PLCB4: variants seen among roughly 807,000 people sequenced by gnomAD.
The protein encoded by PLCB4 is phospholipase C beta 4.
In PLCB4, 77 loss-of-function variants were observed where a neutral mutation model predicts 178.8. The ratio of observed to expected loss-of-function variants is 0.43; its 90% CI spans 0.36 to 0.52. The LOEUF (loss-of-function observed/expected upper bound fraction) is 0.52. Among genes scored for constraint, PLCB4 ranks in the 20% least tolerant of loss-of-function variants. The probability of loss-of-function intolerance (pLI) is 0.00; values close to 1 mark genes in which losing one functional copy is unlikely to be tolerated. For missense variants in PLCB4, 1,024 were observed against 1,453.4 expected (o/e 0.70, Z 4.80); for synonymous variants, 496 against 490.8 (o/e 1.01, Z -0.14).
chr20:9,155,714 T>C (rs1694559850), intron 2 of PLCB4, among the ~76,000 whole-genome samples: 1 of 152,154 alleles, frequency 6.6e-6, no homozygotes, highest in Non-Finnish European at 1.5e-5. Context: ...GAATAAGACT[T>C]CTGAGTGGGT....
intron 32 of PLCB4, among the ~76,000 whole-genome samples, chr20:9,448,603 T>A (rs2122211093): frequency 6.7e-6 from 1 of 149,422 alleles, no homozygotes; most frequent in East Asian, 2.0e-4. Flanking sequence ...TCTTAAAACA[T>A]GAGATTTATG....
intron 2 of PLCB4, among the ~76,000 whole-genome samples, chr20:9,147,741 A>G (rs1180270420): frequency 6.6e-6 from 1 of 152,158 alleles, no homozygotes; most frequent in Non-Finnish European, 1.5e-5. Context: ...GCACTTTTCA[A>G]GCCTTTCTTT....
chr20:9,266,635 C>T (rs973649998), intron 3 of PLCB4, among the ~76,000 whole-genome samples: 9 of 151,168 alleles, frequency 6.0e-5, no homozygotes, highest in African/African-American at 2.2e-4. Flanking sequence ...TTTTCCTTTT[C>T]TTCCTCTTTT....
intron 4 of PLCB4, among the ~76,000 whole-genome samples, chr20:9,316,673 C>T (rs1236132230): frequency 3.9e-5 from 6 of 152,170 alleles, no homozygotes. Flanking sequence ...TTCTTGTCAG[C>T]ACAGCTGTGT....
intron 3 of PLCB4, among the ~76,000 whole-genome samples, chr20:9,299,553 A>T (rs1166841253): frequency 6.6e-6 from 1 of 151,854 alleles, no homozygotes; most frequent in African/African-American, 2.4e-5. Flanking sequence ...TCTTAACTGT[A>T]TGTTAAGAGC....
intron 2 of PLCB4, among the ~76,000 whole-genome samples, chr20:9,146,212 G>A (rs1452291907): frequency 1.3e-5 from 2 of 152,178 alleles, no homozygotes; most frequent in East Asian, 1.9e-4. Flanking sequence ...CGGTGGGGGT[G>A]CCTACATAGA....
intron 2 of PLCB4, among the ~76,000 whole-genome samples, chr20:9,211,467 GAAT>G (rs1344725155): frequency 6.6e-6 from 1 of 152,192 alleles, no homozygotes; most frequent in Non-Finnish European, 1.5e-5. Flanking sequence ...CAGTCAAACA[GAAT>G]GTGCATTTTA....
chr20:9,460,651 CACTT>C (rs1249181554), intron 35 of PLCB4, among the ~76,000 whole-genome samples: 2 of 152,180 alleles, frequency 1.3e-5, no homozygotes, highest in African/African-American at 4.8e-5. Context: ...GCTTGGTTCT[CACTT>C]AGTGCCTACC....
At chr20:9,144,744 AGG>A (rs2092564806) in intron 2 of PLCB4, among the ~76,000 whole-genome samples, 1 of 72,054 alleles carries the variant, frequency 1.4e-5, no homozygotes, top group Non-Finnish European at 2.4e-5. Flanking sequence ...AAGGAGGGGA[AGG>A]AGGGGAAGGA....
At chr20:9,420,376 C>T (rs1387513009) in intron 26 of PLCB4, among the ~76,000 whole-genome samples, 3 of 151,698 alleles carry the variant, frequency 2.0e-5, no homozygotes, top group Admixed American at 6.6e-5. Context: ...ATCACTCTGT[C>T]GCCCAGGCAG....
At chr20:9,104,180 G>A (rs1461678045) in intron 2 of PLCB4, among the ~76,000 whole-genome samples, 1 of 152,180 alleles carries the variant, frequency 6.6e-6, no homozygotes, top group Non-Finnish European at 1.5e-5. Context: ...GCAAGTTGAT[G>A]CCAGCAGTTG....
At chr20:9,245,229 G>A (rs1014081529) in intron 3 of PLCB4, among the ~76,000 whole-genome samples, 1 of 152,194 alleles carries the variant, frequency 6.6e-6, no homozygotes, top group Non-Finnish European at 1.5e-5. Context: ...GCTGCATTCT[G>A]TTGGCCAAAG....
intron 7 of PLCB4, among the ~76,000 whole-genome samples, chr20:9,358,370 C>T (rs957776551): frequency 1.3e-5 from 2 of 152,218 alleles, no homozygotes; most frequent in African/African-American, 4.8e-5. Flanking sequence ...GAGGATGCTA[C>T]TGAGTCCCTT....
intron 35 of PLCB4, among the ~76,000 whole-genome samples, chr20:9,463,332 A>G (rs1360032109): frequency 6.6e-6 from 1 of 152,134 alleles, no homozygotes; most frequent in Non-Finnish European, 1.5e-5. Context: ...GTAAAGACCA[A>G]CGAGGCTAGG....
intron 19 of PLCB4, 46 bp downstream of exon 19, chr20:9,395,664 T>G: frequency 1.4e-6 from 2 of 1,392,936 alleles, no homozygotes; most frequent in Non-Finnish European, 2.0e-6. Flanking sequence ...TGAAAATACT[T>G]TTTAAATAAG....
intron 2 of PLCB4, among the ~76,000 whole-genome samples, chr20:9,171,473 G>A (rs2093062890): frequency 6.6e-6 from 1 of 152,136 alleles, no homozygotes. Flanking sequence ...CTAATGTATA[G>A]TTGTCAAACT....
intron 3 of PLCB4, among the ~76,000 whole-genome samples, chr20:9,264,199 G>T (rs2094326298): frequency 6.6e-6 from 1 of 152,120 alleles, no homozygotes; most frequent in African/African-American, 2.4e-5. Context: ...GGACTTTGAA[G>T]TCTAAAAAGA....
chr20:9,287,622 A>T (rs1012915856), intron 3 of PLCB4, among the ~76,000 whole-genome samples: 20 of 152,102 alleles, frequency 1.3e-4, no homozygotes, highest in African/African-American at 4.6e-4. Context: ...ATATCGAGTC[A>T]TGCCAAAACC....
intron 25 of PLCB4, among the ~76,000 whole-genome samples, chr20:9,414,447 G>C (rs1364582193): frequency 6.6e-6 from 1 of 152,194 alleles, no homozygotes; most frequent in Non-Finnish European, 1.5e-5. Flanking sequence ...TCACCCTTGT[G>C]GTTCTCCCAC....
Sources: allele counts gnomAD v4.1 joint callset (sites outside exome capture counted in the v4.1 genomes callset), GRCh38; gene constraint gnomAD v4.1.1; transcripts MANE v1.5; gene names NCBI Gene and HGNC (gene_info 2026-07-23, HGNC 2026-07-21).